RAPGEF4: variants seen among roughly 807,000 people sequenced by gnomAD.
The protein encoded by RAPGEF4 is Rap guanine nucleotide exchange factor 4.
RAPGEF4 carries 66 observed loss-of-function variants against 147.9 expected under a neutral mutation model. That is an observed-to-expected ratio of 0.45 (90% CI 0.37 to 0.55). The LOEUF (loss-of-function observed/expected upper bound fraction) is 0.55, where lower values mean the gene tolerates loss of function less well. RAPGEF4 is among the 20% of genes least tolerant of loss of function. The probability of loss-of-function intolerance (pLI) is 0.00; values close to 1 mark genes in which losing one functional copy is unlikely to be tolerated. For synonymous variants in RAPGEF4, 419 were observed against 442.7 expected (o/e 0.95, Z 0.67); for missense variants, 1,071 against 1,257.3 (o/e 0.85, Z 2.24).
chr2:173,046,254 T>C (rs1685456377), intron 29 of RAPGEF4, among the ~76,000 whole-genome samples: 1 of 152,242 alleles, frequency 6.6e-6, no homozygotes. Context: ...ACTTCAGGGC[T>C]GGAAATTACT....
intron 4 of RAPGEF4, among the ~76,000 whole-genome samples, chr2:172,871,900 T>C (rs981148622): frequency 6.6e-6 from 1 of 152,138 alleles, no homozygotes; most frequent in Non-Finnish European, 1.5e-5. Context: ...TAACTGAGGC[T>C]CAGAGAAGTT....
intron 17 of RAPGEF4, among the ~76,000 whole-genome samples, chr2:173,013,961 C>G (rs1695268112): frequency 6.6e-6 from 1 of 152,126 alleles, no homozygotes; most frequent in African/African-American, 2.4e-5. Context: ...TCTTGCCCAC[C>G]CATGCACTCT....
chr2:172,844,587 A>G lies in RAPGEF4; in HGVS notation c.444+30162A>G, dbSNP rs569065000. Among the ~76,000 whole-genome samples the G allele has an allele frequency of 5.3e-5, 8 of 152,250 alleles. No individual in the cohort carries two copies. The East Asian group carries it at 1.5e-3, about 29-fold the overall frequency. ...TTAGACTTGGCTGTGATTGTCTTTA[A>G]TGGTCAGAAAATTATCCAGCAACTA... On this transcript the variant is annotated intron_variant, in intron 4 of 30. Coordinates refer to ENST00000397081, the MANE Select transcript of RAPGEF4 (RefSeq NM_007023.4).
chr2:173,048,558 T>C (rs1164865104), intron 29 of RAPGEF4, 42 bp from the exon 30 acceptor site: 1 of 1,613,674 alleles, frequency 6.2e-7, no homozygotes, highest in Non-Finnish European at 8.5e-7. Context: ...TACTCTACGC[T>C]TACTTGAATT....
chr2:172,857,089 C>A (rs1198245985), intron 4 of RAPGEF4, among the ~76,000 whole-genome samples: 2 of 151,630 alleles, frequency 1.3e-5, no homozygotes, highest in Non-Finnish European at 2.9e-5. Flanking sequence ...GGAGAGCTGG[C>A]CTGAATTGAA....
chr2:172,750,935 G>C (rs1695228102), intron 1 of RAPGEF4, among the ~76,000 whole-genome samples: 1 of 152,096 alleles, frequency 6.6e-6, no homozygotes, highest in Non-Finnish European at 1.5e-5. Flanking sequence ...CCATTTTATA[G>C]GTTGAATTTT....
chr2:173,006,909 A>T (rs1190209034), intron 17 of RAPGEF4, among the ~76,000 whole-genome samples: 1 of 152,178 alleles, frequency 6.6e-6, no homozygotes, highest in Non-Finnish European at 1.5e-5. Context: ...CCGTCAGAGG[A>T]ATTTGCTTCT....
intron 17 of RAPGEF4, among the ~76,000 whole-genome samples, chr2:173,013,422 A>T (rs3769229): frequency 0.057 from 8,618 of 152,330 alleles, 338 homozygotes; most frequent in East Asian, 0.1. Context: ...AAATGGAGCG[A>T]CACTTTCATC....
chr2:173,017,306 G>A, intron 20 of RAPGEF4, 102 bp downstream of exon 20: 1 of 1,487,200 alleles, frequency 6.7e-7, no homozygotes, highest in East Asian at 2.3e-5. Flanking sequence ...CTTTTTTGTA[G>A]ACGTGAAATA....
Position 172,982,897 on chromosome 2 carries a change from C to T in RAPGEF4, c.1005-599C>T, listed in dbSNP as rs989332816. Among the ~76,000 whole-genome samples, 7 of 152,222 alleles carry T rather than the reference C, an allele frequency of 4.6e-5. No homozygotes were observed. The East Asian group carries it at 5.8e-4, about 13-fold the overall frequency. On this transcript the variant is annotated intron_variant, in intron 10 of 30. Transcript: ENST00000397081. ...TCCCTTCTTGCCTTCTCTTACTAAT[C>T]GCAGATGCTACCATTTGCCTTCTCT...
At chr2:172,736,748 G>C (rs13023428) in intron 1 of RAPGEF4, among the ~76,000 whole-genome samples, 38,271 of 152,206 alleles carry the variant, frequency 0.25, 5,095 homozygotes, top group South Asian at 0.29. Context: ...TTTCCAGGCT[G>C]TGACAGCATA....
At chr2:172,802,814 T>A (rs550889331) in intron 3 of RAPGEF4, among the ~76,000 whole-genome samples, 1 of 152,178 alleles carries the variant, frequency 6.6e-6, no homozygotes, top group Admixed American at 6.5e-5. Flanking sequence ...GGTACAGGCA[T>A]TGGTTAAATA....
At chr2:172,743,796 G>A (rs1694525939) in intron 1 of RAPGEF4, among the ~76,000 whole-genome samples, 2 of 152,072 alleles carry the variant, frequency 1.3e-5, no homozygotes, top group Non-Finnish European at 2.9e-5. Context: ...CGAGGCCCGG[G>A]CCTGTGGCAG....
At position 172,739,683 on chromosome 2, in the gene RAPGEF4, T is replaced by G. The variant is rs548412197; in HGVS notation, c.65+3635T>G. 2.0e-5 allele frequency among the ~76,000 whole-genome samples: 3 copies of G among 152,322 alleles called. No homozygotes were observed. In the South Asian group the frequency reaches 6.2e-4, roughly 32 times the overall value. On this transcript the variant is annotated intron_variant, in intron 1 of 30. Coordinates refer to ENST00000397081, the MANE Select transcript of RAPGEF4 (RefSeq NM_007023.4). Reference sequence around the variant, plus strand: ...ACCACACCCGGCCCATTGTTTAATTTTAATGAAAATATTTTTCCCGTAAGA... The same window carrying G: ...ACCACACCCGGCCCATTGTTTAATTGTAATGAAAATATTTTTCCCGTAAGA...
At position 173,042,867 on chromosome 2, in the gene RAPGEF4, T is replaced by C. The variant is rs113609094; in HGVS notation, c.2854-5733T>C. On this transcript the variant is annotated intron_variant, in intron 29 of 30. Transcript: ENST00000397081. The surrounding 1 kb of genome is among the most constrained non-coding windows in gnomAD (Gnocchi z 4.2). ...TGTCTTCTCCCATGGTCATCATATA[T>C]ACCACATACCGTAAGCATCATGCAT... Among the ~76,000 whole-genome samples the C allele has an allele frequency of 1.3e-5, 2 of 152,310 alleles. No homozygotes were observed. The highest frequency in any genetic ancestry group is 4.8e-5 in the African/African-American group (2 of 41,554).
At chr2:172,951,570 C>A (rs1688213649) in intron 6 of RAPGEF4, among the ~76,000 whole-genome samples, 1 of 152,014 alleles carries the variant, frequency 6.6e-6, no homozygotes, top group Non-Finnish European at 1.5e-5. Flanking sequence ...ATACGATATC[C>A]TATAGAATGG....
intron 4 of RAPGEF4, among the ~76,000 whole-genome samples, chr2:172,901,899 C>T (rs1699094119): frequency 1.3e-5 from 2 of 152,162 alleles, no homozygotes; most frequent in Admixed American, 6.5e-5. Context: ...CATTGAGCCA[C>T]TCCACACTCA....
At chr2:172,945,530 C>T (rs1218536656) in intron 6 of RAPGEF4, among the ~76,000 whole-genome samples, 1 of 151,914 alleles carries the variant, frequency 6.6e-6, no homozygotes, top group Admixed American at 6.6e-5. Context: ...AAGTCTTTTA[C>T]AATTTTCAAT....
chr2:173,009,535 C>T lies in RAPGEF4; in HGVS notation c.1659-4929C>T, dbSNP rs7608030. On this transcript the variant is annotated intron_variant, in intron 17 of 30. Transcript: ENST00000397081. ...CCAAAATCCAAAATGCTCCAAAATT[C>T]GAAGTTTTTTTAGCTCTCATACCAG... 4.8e-3 allele frequency among the ~76,000 whole-genome samples: 729 copies of T among 152,122 alleles called. 4 individuals carry two copies. Among genetic ancestry groups the T allele is most frequent in the African/African-American group, 0.016 (647 of 41,500 alleles).
Sources: allele counts gnomAD v4.1 joint callset (sites outside exome capture counted in the v4.1 genomes callset), GRCh38; gene constraint gnomAD v4.1.1; non-coding constraint Gnocchi (gnomAD v3.1); transcripts MANE v1.5; gene names NCBI Gene and HGNC (gene_info 2026-07-23, HGNC 2026-07-21).